The following SLA2 variants were observed in gnomAD, a reference collection of about 807,000 sequenced individuals.
SLA2 encodes the protein src-like-adapter 2.
In SLA2, 22 loss-of-function variants were observed where a neutral mutation model predicts 27.3. The ratio of observed to expected loss-of-function variants is 0.81; its 90% CI spans 0.58 to 1.15. SLA2 has a LOEUF of 1.15. Ranked by LOEUF, SLA2 falls within the 50% of genes most tolerant of loss-of-function variation. The pLI, the probability that SLA2 is intolerant of heterozygous loss-of-function variation, is 0.00. For synonymous variants in SLA2, 131 were observed against 137.8 expected (o/e 0.95, Z 0.34); for missense variants, 304 against 322.2 (o/e 0.94, Z 0.43).
At chr20:36,620,022 A>T (rs1205118522) in intron 5 of SLA2, among the ~76,000 whole-genome samples, 1 of 151,448 alleles carries the variant, frequency 6.6e-6, no homozygotes, top group East Asian at 2.0e-4. Context: ...AATCACATGA[A>T]CCCAGGAGGC....
chr20:36,640,247 G>T (rs1462103564), intron 2 of SLA2, among the ~76,000 whole-genome samples: 2 of 151,772 alleles, frequency 1.3e-5, no homozygotes, highest in Non-Finnish European at 2.9e-5. Context: ...GGTTGAAGCT[G>T]CAGTAAGCTT....
intron 5 of SLA2, among the ~76,000 whole-genome samples, chr20:36,624,200 T>A (rs2039313067): frequency 6.6e-6 from 1 of 152,054 alleles, no homozygotes; most frequent in South Asian, 2.1e-4. Context: ...TCCTCTCTTC[T>A]CAGCAGGAAG....
intron 5 of SLA2, among the ~76,000 whole-genome samples, chr20:36,625,216 A>ATTTTTTTTTTTTTTTTT (rs71186005): frequency 6.4e-5 from 5 of 78,488 alleles, no homozygotes; most frequent in African/African-American, 2.7e-4. Flanking sequence ...ACGTACCCTG[A>ATTTTTTTTTTTTTTTTT]TTTTTTTTTT....
At chr20:36,636,929 C>T (rs1287099223) in intron 2 of SLA2, among the ~76,000 whole-genome samples, 13 of 151,728 alleles carry the variant, frequency 8.6e-5, no homozygotes, top group Admixed American at 7.9e-4. Context: ...CCAGCATGGG[C>T]AACACAGCAA....
intron 5 of SLA2, among the ~76,000 whole-genome samples, chr20:36,616,602 G>A (rs2039215276): frequency 6.6e-6 from 1 of 151,894 alleles, no homozygotes; most frequent in Non-Finnish European, 1.5e-5. Context: ...CAAAGTGCTG[G>A]GATTACAGGC....
At chr20:36,629,684 G>C (rs1482986871) in intron 5 of SLA2, among the ~76,000 whole-genome samples, 5 of 152,114 alleles carry the variant, frequency 3.3e-5, no homozygotes, top group African/African-American at 1.2e-4. Flanking sequence ...TGAAGCAGGA[G>C]ACTCGCTTGA....
chr20:36,618,485 C>T (rs2039240821), intron 5 of SLA2, among the ~76,000 whole-genome samples: 1 of 152,094 alleles, frequency 6.6e-6, no homozygotes, highest in Non-Finnish European at 1.5e-5. Flanking sequence ...ATCTGCCCAC[C>T]TTGGCCTCTC....
intron 5 of SLA2, among the ~76,000 whole-genome samples, chr20:36,618,814 G>C (rs1354323333): frequency 7.0e-6 from 1 of 142,978 alleles, no homozygotes; most frequent in Non-Finnish European, 1.5e-5. Context: ...GGCTGAGGCA[G>C]GAGAATTGCT....
chr20:36,639,517 GAGA>G (rs928250757), intron 2 of SLA2, among the ~76,000 whole-genome samples: 4 of 152,046 alleles, frequency 2.6e-5, no homozygotes, highest in Non-Finnish European at 4.4e-5. Context: ...TCTGTTTTGG[GAGA>G]AGAAGAAACA....
chr20:36,626,289 G>A (rs750877173), intron 5 of SLA2, among the ~76,000 whole-genome samples: 9 of 151,986 alleles, frequency 5.9e-5, no homozygotes, highest in Non-Finnish European at 1.2e-4. Flanking sequence ...CTACTCGGGA[G>A]GCTGAGGCAG....
At chr20:36,630,925 G>GA (rs1409987226) in intron 5 of SLA2, among the ~76,000 whole-genome samples, 1 of 152,170 alleles carries the variant, frequency 6.6e-6, no homozygotes, top group Non-Finnish European at 1.5e-5. Flanking sequence ...GTGGAGCGAG[G>GA]AGGATCCATG....
In SLA2 at chr20:36,634,535, G is replaced by T. The variant is rs2039424744; in HGVS notation, c.146C>A (p.Ala49Asp). ...ALGSFPAGGP[A>D]ELSLRLGEPL... The stretch of plus-strand genomic sequence containing the variant: ...CTCCCCGAGTCTCAGCGACAGCTCG[G>T]CCGGGCCACCTGCCGGGAAACTGCC... Residue 49 changes from alanine (A) to aspartate (D), a missense_variant, in exon 3 of 8, where the codon GCC (alanine) becomes GAC (aspartate). Coordinates refer to ENST00000262866, the MANE Select transcript of SLA2 (RefSeq NM_032214.4). 1.2e-6 allele frequency: 2 copies of T among 1,611,580 alleles called. No homozygotes were observed. The highest frequency in any genetic ancestry group is 1.7e-6 in the Non-Finnish European group (2 of 1,178,642).
intron 2 of SLA2, among the ~76,000 whole-genome samples, chr20:36,639,366 T>A (rs1305498822): frequency 6.6e-6 from 1 of 151,732 alleles, no homozygotes; most frequent in Non-Finnish European, 1.5e-5. Context: ...CCTCCACAAC[T>A]GTGTGAGCCA....
intron 2 of SLA2, among the ~76,000 whole-genome samples, chr20:36,638,220 G>A (rs535874002): frequency 6.6e-6 from 1 of 152,132 alleles, no homozygotes; most frequent in Non-Finnish European, 1.5e-5. Context: ...CTGTAAAACA[G>A]TGTGCTAAGA....
intron 3 of SLA2, 115 bp downstream of exon 3, chr20:36,634,375 C>T: frequency 1.4e-6 from 1 of 736,024 alleles, no homozygotes; most frequent in East Asian, 2.9e-5. Context: ...CCTTGAGCTC[C>T]CGAGCTCCAG....
intron 2 of SLA2, among the ~76,000 whole-genome samples, chr20:36,639,585 G>A (rs1052052301): frequency 6.6e-6 from 1 of 152,128 alleles, no homozygotes; most frequent in Non-Finnish European, 1.5e-5. Context: ...CGGGTGCAGT[G>A]GCTCACGCCT....
At chr20:36,615,770 A>C (rs1409379980) in intron 5 of SLA2, among the ~76,000 whole-genome samples, 1 of 152,208 alleles carries the variant, frequency 6.6e-6, no homozygotes, top group Non-Finnish European at 1.5e-5. Context: ...GCCACCTTGG[A>C]AACAGTTTGG....
At position 36,633,571 on chromosome 20, in the gene SLA2, T is replaced by C. The variant is rs939317612; in HGVS notation, c.250A>G (p.Ser84Gly). Reference protein sequence around the residue: ...EVSGREYNIPSVHVAKVSHGW... With the variant: ...EVSGREYNIPGVHVAKVSHGW... ...TGGGAGACTTTGGCCACGTGGACGC[T>C]GGGGATGTTATACTCTCTGCCTGAG... Residue 84 changes from serine to glycine, a missense_variant, in exon 4 of 8, where the codon AGC becomes GGC. Coordinates refer to ENST00000262866, the MANE Select transcript of SLA2 (RefSeq NM_032214.4). 1.9e-6 allele frequency: 3 copies of C among 1,613,912 alleles called. No individual in the cohort carries two copies. In the African/African-American group the frequency reaches 4.0e-5, roughly 22 times the overall value.
intron 2 of SLA2, among the ~76,000 whole-genome samples, chr20:36,636,840 A>T (rs1266575339): frequency 1.3e-5 from 2 of 151,488 alleles, no homozygotes; most frequent in Non-Finnish European, 2.9e-5. Flanking sequence ...AATCCCAGCT[A>T]CTTAGGAGGC....
Sources: gnomAD v4.1 joint callset for allele counts (sites outside exome capture counted in the v4.1 genomes callset) on GRCh38, gnomAD v4.1.1 for gene constraint, MANE v1.5 for transcripts, NCBI Gene and HGNC (gene_info 2026-07-23, HGNC 2026-07-21) for gene names.